KCNH8: variants seen among roughly 807,000 people sequenced by gnomAD.
KCNH8 encodes potassium voltage-gated channel subfamily H member 8, also known as voltage-gated delayed rectifier potassium channel KCNH8.
KCNH8 carries 70 observed loss-of-function variants against 103.6 expected under a neutral mutation model. That is an observed-to-expected ratio of 0.68 (90% CI 0.56 to 0.82). The LOEUF is 0.82. Ranked by LOEUF, KCNH8 falls within the 40% of genes least tolerant of loss-of-function variation. KCNH8 has a pLI of 0.00. For missense variants in KCNH8, 1,217 were observed against 1,329.9 expected, an observed-to-expected ratio of 0.92 and a Z score of 1.32; for synonymous variants, 498 against 489.4, an observed-to-expected ratio of 1.02 and a Z score of -0.23.
intron 1 of KCNH8, among the ~76,000 whole-genome samples, chr3:19,185,292 T>A (rs1453090271): frequency 2.6e-5 from 4 of 151,952 alleles, no homozygotes; most frequent in African/African-American, 9.7e-5. Flanking sequence ...CTTTTCATTA[T>A]CTGTGTTTTG....
intron 15 of KCNH8, among the ~76,000 whole-genome samples, chr3:19,525,730 G>A (rs1250760107): frequency 6.6e-6 from 1 of 151,848 alleles, no homozygotes; most frequent in Non-Finnish European, 1.5e-5. Context: ...AGAGACGTCG[G>A]CTGCACCTGC....
At chr3:19,286,330 A>G (rs954662245) in intron 3 of KCNH8, among the ~76,000 whole-genome samples, 1 of 152,216 alleles carries the variant, frequency 6.6e-6, no homozygotes, top group African/African-American at 2.4e-5. Context: ...GTTGCCCCTA[A>G]TCCAGTCTGA....
intron 11 of KCNH8, among the ~76,000 whole-genome samples, chr3:19,466,052 A>T (rs371389038): frequency 6.6e-6 from 1 of 151,966 alleles, no homozygotes; most frequent in African/African-American, 2.4e-5. Context: ...CTCCAACCTC[A>T]GCCTCCCATG....
intron 12 of KCNH8, among the ~76,000 whole-genome samples, chr3:19,511,251 TTC>T (rs2068778817): frequency 6.6e-6 from 1 of 151,938 alleles, no homozygotes; most frequent in Admixed American, 6.6e-5. Context: ...GTGTTTGGTT[TTC>T]TGATTGTGAT....
At chr3:19,362,078 AATG>A (rs1270492199) in intron 5 of KCNH8, among the ~76,000 whole-genome samples, 1 of 152,158 alleles carries the variant, frequency 6.6e-6, no homozygotes, top group Admixed American at 6.6e-5. Flanking sequence ...TTCAATCAAT[AATG>A]ATGATTATTG....
chr3:19,458,449 A>G (rs1411561535), intron 11 of KCNH8, among the ~76,000 whole-genome samples: 1 of 151,876 alleles, frequency 6.6e-6, no homozygotes, highest in Non-Finnish European at 1.5e-5. Context: ...CTCAATCTCT[A>G]TTTTATTTCA....
chr3:19,470,868 A>G (rs2067841460), intron 11 of KCNH8, among the ~76,000 whole-genome samples: 2 of 152,204 alleles, frequency 1.3e-5, no homozygotes, highest in Non-Finnish European at 2.9e-5. Context: ...AAATAAAAAC[A>G]TATTAAATAG....
At position 19,198,627 on chromosome 3, in the gene KCNH8, G is replaced by T. The variant is rs974288691; in HGVS notation, c.76+49832G>T. On this transcript the variant is annotated intron_variant, in intron 1 of 15. Transcript: ENST00000328405. ...TATTATAGAAGTAAGGATATATTTT[G>T]CACGGACAGAATTAATATGATAGTG... is the stretch of plus-strand genomic sequence containing the variant. Among the ~76,000 whole-genome samples the T allele has an allele frequency of 3.3e-5, 5 of 151,888 alleles. No individual in the cohort carries two copies. The South Asian group carries it at 6.2e-4, about 19-fold the overall frequency.
chr3:19,441,774 T>C (rs1008548943), intron 8 of KCNH8, among the ~76,000 whole-genome samples: 4 of 152,194 alleles, frequency 2.6e-5, no homozygotes, highest in East Asian at 1.9e-4. Context: ...AGATATCACT[T>C]TGAGTTTTGA....
intron 5 of KCNH8, among the ~76,000 whole-genome samples, chr3:19,376,255 T>C (rs370429090): frequency 2.3e-4 from 35 of 152,340 alleles, no homozygotes; most frequent in South Asian, 1.9e-3. Context: ...AGCGAGACTC[T>C]GTGGGCGTAG....
intron 3 of KCNH8, among the ~76,000 whole-genome samples, chr3:19,288,067 G>A (rs1387008151): frequency 1.3e-5 from 2 of 150,644 alleles, no homozygotes; most frequent in Non-Finnish European, 3.0e-5. Flanking sequence ...TTTCTGTATA[G>A]TCAGATTTTC....
chr3:19,456,674 A>C, intron 10 of KCNH8, 94 bp from the exon 11 acceptor site: 1 of 797,806 alleles, frequency 1.3e-6, no homozygotes, highest in Non-Finnish European at 2.1e-6. Context: ...TTTCAGTGTA[A>C]TCTCACTGAA....
intron 11 of KCNH8, among the ~76,000 whole-genome samples, chr3:19,503,738 T>C (rs1300924898): frequency 2.5e-5 from 3 of 121,022 alleles, no homozygotes; most frequent in East Asian, 2.5e-4. Flanking sequence ...TGAGAACACA[T>C]GGACACAGGA....
At chr3:19,472,486 T>G (rs760155683) in intron 11 of KCNH8, among the ~76,000 whole-genome samples, 1 of 152,148 alleles carries the variant, frequency 6.6e-6, no homozygotes, top group African/African-American at 2.4e-5. Flanking sequence ...GATTGTTTTA[T>G]AAGGAGTTTC....
intron 3 of KCNH8, among the ~76,000 whole-genome samples, chr3:19,288,889 C>T (rs867409646): frequency 7.9e-5 from 12 of 152,144 alleles, no homozygotes; most frequent in African/African-American, 2.4e-4. Context: ...TCTCCAGCAC[C>T]TGTTGTTTCC....
chr3:19,186,699 AGAT>A (rs2063505740), intron 1 of KCNH8, among the ~76,000 whole-genome samples: 1 of 152,042 alleles, frequency 6.6e-6, no homozygotes, highest in African/African-American at 2.4e-5. Flanking sequence ...GGAACTAGGC[AGAT>A]GTTACGAAGT....
chr3:19,189,215 T>G (rs2063529114), intron 1 of KCNH8, among the ~76,000 whole-genome samples: 2 of 152,200 alleles, frequency 1.3e-5, no homozygotes, highest in South Asian at 4.1e-4. Flanking sequence ...AATCTAATTG[T>G]TCTTGAACAT....
At chr3:19,288,434 T>A (rs1277344914) in intron 3 of KCNH8, among the ~76,000 whole-genome samples, 1 of 150,648 alleles carries the variant, frequency 6.6e-6, no homozygotes, top group Non-Finnish European at 1.5e-5. Flanking sequence ...CCTGTATCCA[T>A]GTGTTCTCAT....
chr3:19,451,141 ATCT>A lies in KCNH8; in HGVS notation c.1576-10_1576-8del. ...TTACCCCAATTTGATTTCCTCCTTC[ATCT>A]TCTCTGACAGCTTTTGAAAGACTTT... is the stretch of plus-strand genomic sequence containing the variant. On this transcript the variant is annotated splice_polypyrimidine_tract_variant and intron_variant, in intron 9 of 15. Transcript: ENST00000328405. 1.2e-6 allele frequency: 2 copies of A among 1,613,048 alleles called. No homozygotes were observed. The highest frequency in any genetic ancestry group is 1.7e-6 in the Non-Finnish European group (2 of 1,179,194).
Sources: gnomAD v4.1 joint callset for allele counts (sites outside exome capture counted in the v4.1 genomes callset) on GRCh38, gnomAD v4.1.1 for gene constraint, MANE v1.5 for transcripts, NCBI Gene and HGNC (gene_info 2026-07-23, HGNC 2026-07-21) for gene names.